Variants in LRRC37A2 observed in about 807,000 individuals in gnomAD.
The protein encoded by LRRC37A2 is leucine rich repeat containing 37 member A2.
In LRRC37A2, 9 loss-of-function variants were observed where a neutral mutation model predicts 68.8. The ratio of observed to expected loss-of-function variants is 0.13; its 90% CI spans 0.08 to 0.23. The LOEUF (loss-of-function observed/expected upper bound fraction) is 0.23, where lower values mean the gene tolerates loss of function less well. Ranked by LOEUF, LRRC37A2 falls within the 10% of genes least tolerant of loss-of-function variation. LRRC37A2 has a pLI of 1.00. For missense variants in LRRC37A2, 168 were observed against 950.4 expected, an observed-to-expected ratio of 0.18 and a Z score of 10.82; for synonymous variants, 63 against 367.6, an observed-to-expected ratio of 0.17 and a Z score of 9.48.
chr17:46,923,503 C>T, the LRRC37A2 span: 2 of 1,380,412 alleles, frequency 1.4e-6, no homozygotes, highest in Non-Finnish European at 1.9e-6. Context: ...AAACTGGCAC[C>T]TGCAGGTTAT....
chr17:46,708,127 T>C, the LRRC37A2 span, among the ~76,000 whole-genome samples: 1 of 152,194 alleles, frequency 6.6e-6, no homozygotes, highest in African/African-American at 2.4e-5. Flanking sequence ...ACGTTTTGGC[T>C]ATTTTGAGTA....
chr17:46,952,591 C>T, the LRRC37A2 span: 1 of 152,210 alleles, frequency 6.6e-6, no homozygotes, highest in Non-Finnish European at 1.5e-5. Context: ...TCAAAAGGAA[C>T]ATGGCTCCTT....
chr17:46,844,101 G>A, the LRRC37A2 span, among the ~76,000 whole-genome samples: 2 of 152,026 alleles, frequency 1.3e-5, no homozygotes, highest in African/African-American at 4.8e-5. Flanking sequence ...CTACAGGCAT[G>A]TGCCACAATG....
chr17:46,392,487 C>CT, the LRRC37A2 span, among the ~76,000 whole-genome samples: 1 of 37,946 alleles, frequency 2.6e-5, no homozygotes, highest in Non-Finnish European at 4.8e-5. Context: ...TCTTTCTTTC[C>CT]TTCTTTCTTT....
the LRRC37A2 span, among the ~76,000 whole-genome samples, chr17:46,858,520 G>A: frequency 3.3e-5 from 5 of 150,378 alleles, no homozygotes; most frequent in Non-Finnish European, 5.9e-5. Context: ...GATATCTTTC[G>A]GTCCTCCAGG....
chr17:46,551,285 G>A lies in LRRC37A2; in HGVS notation c.4809+766G>A, dbSNP rs1037939708. 1.4e-4 allele frequency among the ~76,000 whole-genome samples: 21 copies of A among 149,960 alleles called. 1 individual carries two copies. The highest frequency in any genetic ancestry group is 3.8e-4 in the African/African-American group (15 of 39,376). On this transcript the variant is annotated intron_variant, in intron 11 of 14. Coordinates refer to ENST00000576629, the Ensembl canonical transcript of LRRC37A2. The stretch of plus-strand genomic sequence containing the variant: ...TGGAGCTTGCCTCTGTCTTTTGTTC[G>A]ATTACATGATGTATTACTTTTCCCA...
the LRRC37A2 span, chr17:46,931,188 A>T: frequency 5.7e-6 from 9 of 1,572,318 alleles, no homozygotes; most frequent in Non-Finnish European, 7.9e-6. Flanking sequence ...GCCCCCTAAC[A>T]AAAGGCAAAA....
chr17:46,892,763 G>C, the LRRC37A2 span, among the ~76,000 whole-genome samples: 1 of 151,734 alleles, frequency 6.6e-6, no homozygotes, highest in Non-Finnish European at 1.5e-5. Flanking sequence ...GGGGCTCAAG[G>C]ATGGACAAAA....
chr17:46,759,160 C>T, the LRRC37A2 span, among the ~76,000 whole-genome samples: 1 of 152,184 alleles, frequency 6.6e-6, no homozygotes, highest in Non-Finnish European at 1.5e-5. Context: ...GCCAAGATCA[C>T]ACCACTGCAC....
the LRRC37A2 span, among the ~76,000 whole-genome samples, chr17:46,963,262 C>T: frequency 6.6e-6 from 1 of 152,228 alleles, no homozygotes. Context: ...AGGCAGATGA[C>T]AGCCAGGTGC....
chr17:46,467,395 G>T, the LRRC37A2 span, among the ~76,000 whole-genome samples: 3 of 77,496 alleles, frequency 3.9e-5, no homozygotes, highest in African/African-American at 5.7e-5. Flanking sequence ...ACTTAAAACA[G>T]AAACTCAGAA....
the LRRC37A2 span, among the ~76,000 whole-genome samples, chr17:46,703,680 CAA>C: frequency 5.3e-5 from 2 of 37,716 alleles, no homozygotes; most frequent in African/African-American, 1.1e-4. Context: ...GACTCCGTCT[CAA>C]AAAAAAAAAA....
At chr17:46,972,241 C>T in the LRRC37A2 span, among the ~76,000 whole-genome samples, 1 of 152,196 alleles carries the variant, frequency 6.6e-6, no homozygotes, top group Non-Finnish European at 1.5e-5. Flanking sequence ...CCCGCTTCTT[C>T]CTCCTCTCTT....
At chr17:46,936,006 G>C in the LRRC37A2 span, 1 of 985,840 alleles carries the variant, frequency 1.0e-6, no homozygotes, top group Non-Finnish European at 1.2e-6. Context: ...TGTTGAGTCT[G>C]TCAGCTCCAC....
the LRRC37A2 span, among the ~76,000 whole-genome samples, chr17:46,842,706 A>T: frequency 6.6e-6 from 1 of 152,186 alleles, no homozygotes; most frequent in African/African-American, 2.4e-5. Context: ...TTGTGCAAAG[A>T]TAGAAATAAT....
chr17:46,881,622 A>G, the LRRC37A2 span, among the ~76,000 whole-genome samples: 1 of 152,190 alleles, frequency 6.6e-6, no homozygotes, highest in Non-Finnish European at 1.5e-5. Flanking sequence ...GTTCCTGCTC[A>G]TAATCTAGTT....
the LRRC37A2 span, chr17:46,755,235 A>T: frequency 1.0e-5 from 11 of 1,070,614 alleles, no homozygotes; most frequent in Non-Finnish European, 1.6e-5. Flanking sequence ...GTGAAACCGA[A>T]CACTGCCTTC....
the LRRC37A2 span, chr17:46,769,994 G>A: frequency 1.2e-6 from 2 of 1,604,510 alleles, no homozygotes; most frequent in East Asian, 2.2e-5. Flanking sequence ...GCGGGTGACG[G>A]CGAAGGCCAC....
At chr17:46,837,557 C>T in the LRRC37A2 span, among the ~76,000 whole-genome samples, 1 of 152,262 alleles carries the variant, frequency 6.6e-6, no homozygotes, top group African/African-American at 2.4e-5. Flanking sequence ...GGACTTGTGG[C>T]CCAGGGAGGC....
Sources: allele counts gnomAD v4.1 joint callset (sites outside exome capture counted in the v4.1 genomes callset), GRCh38; gene constraint gnomAD v4.1.1; transcripts MANE v1.5; gene names NCBI Gene and HGNC (gene_info 2026-07-23, HGNC 2026-07-21).